SLC13A2: variants seen among roughly 807,000 people sequenced by gnomAD.
SLC13A2 encodes solute carrier family 13 member 2, also known as Na(+)-coupled citrate transporter.
SLC13A2 carries 40 observed loss-of-function variants against 58.5 expected under a neutral mutation model. The ratio of observed to expected loss-of-function variants is 0.68; its 90% CI spans 0.53 to 0.89. The LOEUF is 0.89. Ranked by LOEUF, SLC13A2 falls within the 40% of genes least tolerant of loss-of-function variation. The pLI, the probability that SLC13A2 is intolerant of heterozygous loss-of-function variation, is 0.00. For synonymous variants in SLC13A2, 341 were observed against 331.6 expected, an observed-to-expected ratio of 1.03 and a Z score of -0.31; for missense variants, 694 against 772.6, an observed-to-expected ratio of 0.90 and a Z score of 1.21.
chr17:28,496,947 G>A lies in SLC13A2; in HGVS notation c.1609-152G>A, dbSNP rs757335851. 2.8e-4 allele frequency: 211 copies of A among 753,886 alleles called. No homozygotes were observed. Among genetic ancestry groups the A allele is most frequent in the Non-Finnish European group, 4.3e-4 (200 of 459,878 alleles). The allele number at this position is 753,886 out of a possible 1,614,324, so 46.7% of individuals were successfully genotyped here. A position where few individuals can be genotyped will look rare whatever the true frequency, so the allele number is the denominator to read the frequency against. ...CACAGGGAGTAAAGCAAGGGGCAAA[G>A]GCATTGGCTATGCTGCAGGTTAGAC... On this transcript the variant is annotated intron_variant, in intron 11 of 11. Coordinates refer to ENST00000314669, the MANE Select transcript of SLC13A2 (RefSeq NM_003984.4). This position sits in a 1 kb window ranked among gnomAD's most constrained non-coding sequence, Gnocchi z 4.2.
rs1209865225 is a variant in SLC13A2 at position 28,493,497 on chromosome 17, T to C, written c.879-74T>C. 6 of 1,274,952 alleles carry C rather than the reference T, an allele frequency of 4.7e-6. No homozygotes were observed. In the East Asian group the frequency reaches 9.6e-5, roughly 20 times the overall value. The allele number at this position is 1,274,952 out of a possible 1,614,324, so 79.0% of individuals were successfully genotyped here. On this transcript the variant is annotated intron_variant, in intron 6 of 11. Coordinates refer to ENST00000314669, the MANE Select transcript of SLC13A2 (RefSeq NM_003984.4). ...CCCTCTGTGGGCCTCAGCCTTTAGA[T>C]GGTAGGCACTCAGAGCCCCTTGCTC... is the stretch of plus-strand genomic sequence containing the variant.
chr17:28,489,238 A>G lies in SLC13A2; in HGVS notation c.127A>G (p.Ile43Val). 6.2e-7 allele frequency: 1 copy of G among 1,613,980 alleles called. No homozygotes were observed. The highest frequency in any genetic ancestry group is 8.5e-7 in the Non-Finnish European group (1 of 1,180,010). Residue 43 changes from isoleucine to valine, a missense_variant, in exon 2 of 12, where the codon ATC (isoleucine) becomes GTC (valine). Ile to Val is a conservative substitution (Grantham distance 29, BLOSUM62 3). Transcript: ENST00000314669. ...GGAGGCCTACTGCGCGTATGCCATCATCCTCATGGCGCTCTTCTGGTGCAC... is the reference window on the plus strand; with the variant it reads ...GGAGGCCTACTGCGCGTATGCCATCGTCCTCATGGCGCTCTTCTGGTGCAC... ...SKEAYCAYAI[I>V]LMALFWCTEA...
At chr17:28,493,848 G>A (rs782051756) in intron 7 of SLC13A2, 59 bp downstream of exon 7, 7 of 1,589,742 alleles carry the variant, frequency 4.4e-6, no homozygotes, top group East Asian at 4.5e-5. Flanking sequence ...TCGGGAAGGA[G>A]GGAAGGGTAT....
In SLC13A2 at chr17:28,497,220, C is replaced by T; in HGVS notation, c.1730C>T (p.Thr577Ile). The T allele has an allele frequency of 6.2e-7, 1 of 1,614,158 alleles. No individual in the cohort carries two copies. Among genetic ancestry groups the T allele is most frequent in the East Asian group, 2.2e-5 (1 of 44,886 alleles). ...SFPSWAQSNTTAQCLPSLANT... is the reference protein window; with the variant it reads ...SFPSWAQSNTIAQCLPSLANT... ...CCCTCCTGGGCACAGTCCAACACCA[C>T]AGCCCAGTGCCTGCCAAGCCTGGCC... The change falls in exon 12 of 12, where the codon ACA (threonine) becomes ATA (isoleucine). Residue 577 changes from threonine to isoleucine, a missense_variant. Thr to Ile is a moderately conservative substitution (Grantham distance 89, BLOSUM62 -1). Transcript: ENST00000314669.
At chr17:28,475,294 C>T (rs1239674674) in intron 1 of SLC13A2, among the ~76,000 whole-genome samples, 3 of 152,166 alleles carry the variant, frequency 2.0e-5, no homozygotes, top group African/African-American at 4.8e-5. Context: ...TTCTGTGCAC[C>T]GTATCTGGCC....
intron 1 of SLC13A2, among the ~76,000 whole-genome samples, chr17:28,477,969 A>C (rs1162955386): frequency 6.6e-6 from 1 of 152,118 alleles, no homozygotes; most frequent in Non-Finnish European, 1.5e-5. Context: ...GGGGCAGGAG[A>C]ATCGCTTGAA....
chr17:28,490,645 C>T, intron 3 of SLC13A2, 55 bp downstream of exon 3: 1 of 1,589,078 alleles, frequency 6.3e-7, no homozygotes, highest in East Asian at 2.2e-5. Context: ...ATATTCTGGG[C>T]ACCCAGTCCC....
At chr17:28,483,485 T>C (rs1395955955) in intron 1 of SLC13A2, among the ~76,000 whole-genome samples, 1 of 151,918 alleles carries the variant, frequency 6.6e-6, no homozygotes, top group Non-Finnish European at 1.5e-5. Context: ...AAAATTGTTT[T>C]AATTAGCTGG....
chr17:28,478,415 G>A (rs1197807686), intron 1 of SLC13A2, among the ~76,000 whole-genome samples: 2 of 152,244 alleles, frequency 1.3e-5, no homozygotes, highest in Non-Finnish European at 2.9e-5. Flanking sequence ...TATAGGAGGA[G>A]ACAGGTGTTT....
At chr17:28,491,663 T>C in intron 5 of SLC13A2, 46 bp downstream of exon 5, 1 of 1,608,312 alleles carries the variant, frequency 6.2e-7, no homozygotes, top group Non-Finnish European at 8.5e-7. Flanking sequence ...GCACATTCAC[T>C]GGGAGGTGAA....
chr17:28,476,682 C>A (rs1333241078), intron 1 of SLC13A2, among the ~76,000 whole-genome samples: 1 of 152,202 alleles, frequency 6.6e-6, no homozygotes, highest in African/African-American at 2.4e-5. Flanking sequence ...CAACCCCAGT[C>A]ATTCTTGGGG....
rs1300081070 is a variant in SLC13A2, at chr17:28,493,828, G to T, written c.1097+39G>T. ...GGGTTGGGAGGAGGACACATCTGGG[G>T]CTCACATGCTCGGGAAGGAGGGAAG... is the stretch of plus-strand genomic sequence containing the variant. On this transcript the variant is annotated intron_variant, in intron 7 of 11. Transcript: ENST00000314669. 3 of 1,605,438 alleles carry T rather than the reference G, an allele frequency of 1.9e-6. No individual in the cohort carries two copies. The East Asian group carries it at 6.7e-5, about 36-fold the overall frequency.
chr17:28,484,420 G>C (rs544101539), intron 1 of SLC13A2, among the ~76,000 whole-genome samples: 2 of 152,134 alleles, frequency 1.3e-5, no homozygotes, highest in African/African-American at 4.8e-5. Flanking sequence ...CCAGAGGGAG[G>C]ATGCAGTATT....
Position 28,494,171 on chromosome 17 carries a change from C to A in SLC13A2, c.1186+66C>A. The A allele has an allele frequency of 6.6e-7, 1 of 1,513,596 alleles. No homozygotes were observed. The highest frequency in any genetic ancestry group is 1.1e-5 in the South Asian group (1 of 88,326). 93.8% of individuals were successfully genotyped at this position (1,513,596 alleles called of 1,614,324 possible). ...CCCCTGCCTTCAAGTATGTAATGTA[C>A]CTTCCACCACACTTGGCAGGAGTAG... On this transcript the variant is annotated intron_variant, in intron 8 of 11. Coordinates refer to ENST00000314669, the MANE Select transcript of SLC13A2 (RefSeq NM_003984.4). This position sits in a 1 kb window ranked among gnomAD's most constrained non-coding sequence, Gnocchi z 4.0.
chr17:28,491,351 G>A, intron 4 of SLC13A2, 86 bp from the exon 5 acceptor site: 1 of 1,463,044 alleles, frequency 6.8e-7, no homozygotes, highest in East Asian at 2.3e-5. Flanking sequence ...CACAGACAAG[G>A]TACCCTGGAG....
At chr17:28,491,291 C>G in intron 4 of SLC13A2, 146 bp from the exon 5 acceptor site, 1 of 838,000 alleles carries the variant, frequency 1.2e-6, no homozygotes. Flanking sequence ...CTGGGCCCCT[C>G]AGGCCTGGAG....
chr17:28,479,689 G>A (rs942868130), intron 1 of SLC13A2, among the ~76,000 whole-genome samples: 1 of 152,224 alleles, frequency 6.6e-6, no homozygotes, highest in African/African-American at 2.4e-5. Context: ...GGCCCTTTTA[G>A]AATGCATAAA....
intron 1 of SLC13A2, among the ~76,000 whole-genome samples, chr17:28,482,243 G>A (rs2068798804): frequency 6.6e-6 from 1 of 151,980 alleles, no homozygotes; most frequent in South Asian, 2.1e-4. Context: ...AGTAGAGACA[G>A]TGTTTCGCCA....
chr17:28,485,296 G>C (rs551056498), intron 1 of SLC13A2, among the ~76,000 whole-genome samples: 1 of 152,316 alleles, frequency 6.6e-6, no homozygotes, highest in South Asian at 2.1e-4. Flanking sequence ...GACTTGTGCA[G>C]TGCAGCAGTC....
Sources: gnomAD v4.1 joint callset for allele counts (sites outside exome capture counted in the v4.1 genomes callset) on GRCh38, gnomAD v4.1.1 for gene constraint, Gnocchi (gnomAD v3.1) non-coding constraint, MANE v1.5 for transcripts, NCBI Gene and HGNC (gene_info 2026-07-23, HGNC 2026-07-21) for gene names.